The following CRYZL1 variants were observed in gnomAD, a reference collection of about 807,000 sequenced individuals.
CRYZL1 encodes the protein ferry endosomal RAB5 effector complex subunit 4.
In CRYZL1, 34 loss-of-function variants were observed where a neutral mutation model predicts 50.6. That is an observed-to-expected ratio of 0.67 (90% CI 0.51 to 0.89). CRYZL1 has a LOEUF of 0.89. Among genes scored for constraint, CRYZL1 ranks in the 40% least tolerant of loss-of-function variants. CRYZL1 has a pLI of 0.00. For synonymous variants in CRYZL1, 125 were observed against 134.3 expected (o/e 0.93, Z 0.48); for missense variants, 354 against 402.3 (o/e 0.88, Z 1.03).
rs80328376 is a variant in CRYZL1 at position 33,601,346 on chromosome 21, A to G, written c.577+888T>C. ...TTTCTTGGTTATCTCTGTCACAAGC[A>G]TAATGTAACAGTGGAAATAATGTGA... On this transcript the variant is annotated intron_variant, in intron 8 of 12. Coordinates refer to ENST00000381554, the MANE Select transcript of CRYZL1 (RefSeq NM_145858.3). 9.4e-3 allele frequency among the ~76,000 whole-genome samples: 1,425 copies of G among 152,168 alleles called. 30 individuals are homozygous for G. The highest frequency in any genetic ancestry group is 0.033 in the African/African-American group (1,389 of 41,508).
chr21:33,636,698 G>T lies in CRYZL1; in HGVS notation c.-7+4983C>A, dbSNP rs140002753. ...GTTAATAAAAATACTGATCTGTTAA[G>T]GGATTTCTAAAAAATCAATGGGAAG... is the stretch of plus-strand genomic sequence containing the variant. On this transcript the variant is annotated intron_variant, in intron 1 of 12. Transcript: ENST00000381554. Among the ~76,000 whole-genome samples the T allele has an allele frequency of 5.7e-3, 861 of 152,280 alleles. 9 individuals are homozygous for T. Among genetic ancestry groups the T allele is most frequent in the African/African-American group, 0.019 (801 of 41,572 alleles).
At chr21:33,622,772 T>C (rs1222589102) in intron 3 of CRYZL1, among the ~76,000 whole-genome samples, 2 of 152,180 alleles carry the variant, frequency 1.3e-5, no homozygotes, top group Non-Finnish European at 2.9e-5. Context: ...TATTTGTAGA[T>C]ACCACAATAT....
At chr21:33,604,775 T>C (rs894694027) in intron 6 of CRYZL1, among the ~76,000 whole-genome samples, 5 of 152,196 alleles carry the variant, frequency 3.3e-5, no homozygotes, top group Admixed American at 1.3e-4. Flanking sequence ...GTCTCCAATT[T>C]TTGTCAGTTA....
chr21:33,620,986 G>GC (rs2086992265), intron 4 of CRYZL1, among the ~76,000 whole-genome samples: 2 of 12 alleles, frequency 0.17, no homozygotes, highest in African/African-American at 0.33. Flanking sequence ...GCTCACTGCA[G>GC]CTCCGCCCCC....
intron 2 of CRYZL1, among the ~76,000 whole-genome samples, chr21:33,631,112 T>C (rs779258763): frequency 5.3e-5 from 8 of 152,176 alleles, no homozygotes; most frequent in Non-Finnish European, 8.8e-5. Context: ...TAACAACGTA[T>C]TGCATATTTC....
chr21:33,613,419 T>TA lies in CRYZL1; in HGVS notation c.331+118dup, dbSNP rs2086893717. The TA allele has an allele frequency of 6.1e-6, 4 of 653,334 alleles. No homozygotes were observed. In the South Asian group the frequency reaches 6.6e-5, roughly 11 times the overall value. The allele number at this position is 653,334 out of a possible 1,614,324, so 40.5% of individuals were successfully genotyped here. On this transcript the variant is annotated intron_variant, in intron 6 of 12. Transcript: ENST00000381554. ...AACATTTTTTACATACATGACTGGC[T>TA]AATGATACTTTATTAAGTACAACAC...
At chr21:33,637,760 CATATATATATATAT>C (rs10536195) in intron 1 of CRYZL1, among the ~76,000 whole-genome samples, 6 of 131,732 alleles carry the variant, frequency 4.6e-5, no homozygotes, top group South Asian at 2.4e-4. Flanking sequence ...AAGAGAAAAA[CATATATATATATAT>C]ATATATATAT....
At chr21:33,612,805 C>CA (rs2086887467) in intron 6 of CRYZL1, among the ~76,000 whole-genome samples, 2 of 152,024 alleles carry the variant, frequency 1.3e-5, no homozygotes, top group Non-Finnish European at 2.9e-5. Flanking sequence ...CAACACTAGT[C>CA]AAAAGATATT....
At chr21:33,600,084 C>T (rs577800566) in intron 8 of CRYZL1, among the ~76,000 whole-genome samples, 50 of 152,212 alleles carry the variant, frequency 3.3e-4, no homozygotes, top group Non-Finnish European at 5.9e-4. Context: ...CCCAATAAAC[C>T]GATCGTAACA....
At chr21:33,603,623 T>A in intron 6 of CRYZL1, 86 bp from the exon 7 acceptor site, 2 of 1,488,670 alleles carry the variant, frequency 1.3e-6, no homozygotes, top group Non-Finnish European at 9.2e-7. Context: ...TCTCTAGTAC[T>A]ACTATGGCCC....
At chr21:33,591,125 A>T (rs1243611576) in intron 12 of CRYZL1, 37 bp downstream of exon 12, 1 of 1,537,148 alleles carries the variant, frequency 6.5e-7, no homozygotes, top group Non-Finnish European at 9.0e-7. Flanking sequence ...AAAATAGAAA[A>T]ACAAACAAGA....
At position 33,598,482 on chromosome 21, in the gene CRYZL1, A is replaced by C. The variant is rs185219916; in HGVS notation, c.676+668T>G. ...TTAAGTGTGTTCAGAGTAAGTGTTA[A>C]ATAAATACTGGTTAAACTAAAAACA... On this transcript the variant is annotated intron_variant, in intron 9 of 12. Transcript: ENST00000381554. 3.3e-5 allele frequency among the ~76,000 whole-genome samples: 5 copies of C among 152,356 alleles called. No homozygotes were observed. In the East Asian group the frequency reaches 9.6e-4, roughly 29 times the overall value.
chr21:33,634,576 C>T (rs1330013691), intron 1 of CRYZL1, among the ~76,000 whole-genome samples: 1 of 151,438 alleles, frequency 6.6e-6, no homozygotes, highest in African/African-American at 2.4e-5. Flanking sequence ...CCAACCATTG[C>T]CTGGGAAATA....
At position 33,589,566 on chromosome 21, in the gene CRYZL1, A is replaced by G; in HGVS notation, c.*256T>C. The G allele has an allele frequency of 2.0e-6, 1 of 492,140 alleles. No homozygotes were observed. Among genetic ancestry groups the G allele is most frequent in the Middle Eastern group, 5.3e-4 (1 of 1,872 alleles). 30.5% of individuals were successfully genotyped at this position (492,140 alleles called of 1,614,324 possible). A position where few individuals can be genotyped will look rare whatever the true frequency, so the allele number is the denominator to read the frequency against. On this transcript the variant is annotated 3_prime_UTR_variant, in exon 13 of 13. Transcript: ENST00000381554. The stretch of plus-strand genomic sequence containing the variant: ...GAAGGAATTTTATAGCAGGGGCAAA[A>G]TATATAGAAACAATGAAAAGGTTTT...
At chr21:33,629,780 T>C (rs1238413406) in intron 2 of CRYZL1, among the ~76,000 whole-genome samples, 1 of 152,190 alleles carries the variant, frequency 6.6e-6, no homozygotes, top group East Asian at 1.9e-4. Context: ...TGAATAGAAG[T>C]AGTGAAAGTG....
At chr21:33,606,321 G>A (rs1244066599) in intron 6 of CRYZL1, among the ~76,000 whole-genome samples, 1 of 152,158 alleles carries the variant, frequency 6.6e-6, no homozygotes, top group Non-Finnish European at 1.5e-5. Flanking sequence ...CAATCATGTT[G>A]TCCTTAAAGA....
intron 4 of CRYZL1, 177 bp from the exon 5 acceptor site, chr21:33,616,927 C>T (rs917062027): frequency 2.2e-6 from 1 of 450,532 alleles, no homozygotes; most frequent in South Asian, 4.6e-5. Context: ...ACAGGATATA[C>T]AGCACTTCAA....
chr21:33,607,057 T>C (rs1393769614), intron 6 of CRYZL1, among the ~76,000 whole-genome samples: 2 of 152,182 alleles, frequency 1.3e-5, no homozygotes, highest in Middle Eastern at 3.4e-3. Flanking sequence ...TATTTCAGCA[T>C]CTAAGAATTA....
chr21:33,639,967 A>C, intron 1 of CRYZL1: 1 of 417,314 alleles, frequency 2.4e-6, no homozygotes, highest in Non-Finnish European at 4.2e-6. Flanking sequence ...CTGGAATTAC[A>C]GGCGTGCACC....
Sources: allele counts gnomAD v4.1 joint callset (sites outside exome capture counted in the v4.1 genomes callset), GRCh38; gene constraint gnomAD v4.1.1; transcripts MANE v1.5; gene names NCBI Gene and HGNC (gene_info 2026-07-23, HGNC 2026-07-21).